Variants in STPG2 observed in about 807,000 individuals in gnomAD.
STPG2 encodes sperm tail PG-rich repeat containing 2.
In STPG2, 56 loss-of-function variants were observed where a neutral mutation model predicts 54.2. The ratio of observed to expected loss-of-function variants is 1.03; its 90% CI spans 0.83 to 1.29. The LOEUF (loss-of-function observed/expected upper bound fraction) is 1.29. Ranked by LOEUF, STPG2 falls within the 50% of genes most tolerant of loss-of-function variation. The pLI, the probability that STPG2 is intolerant of heterozygous loss-of-function variation, is 0.00. For missense variants in STPG2, 596 were observed against 544.9 expected, an observed-to-expected ratio of 1.09 and a Z score of -0.93; for synonymous variants, 200 against 181.8, an observed-to-expected ratio of 1.10 and a Z score of -0.81.
chr4:98,086,163 C>T (rs771398885), intron 5 of STPG2, among the ~76,000 whole-genome samples: 1 of 152,014 alleles, frequency 6.6e-6, no homozygotes, highest in Non-Finnish European at 1.5e-5. Context: ...AAGTAGTAAG[C>T]TTTATCACTA....
chr4:97,459,541 G>A (rs1423395083), intron 4 of STPG2, among the ~76,000 whole-genome samples: 3 of 149,486 alleles, frequency 2.0e-5, no homozygotes, highest in Admixed American at 6.8e-5. Flanking sequence ...CCGGGTTCAC[G>A]CCATTCTCCT....
chr4:97,513,438 G>A (rs569248409), intron 4 of STPG2, among the ~76,000 whole-genome samples: 49 of 152,114 alleles, frequency 3.2e-4, no homozygotes, highest in African/African-American at 1.1e-3. Flanking sequence ...AAATGGGACT[G>A]AAAGTCCCAA....
chr4:98,021,869 G>C (rs867367760), intron 5 of STPG2, among the ~76,000 whole-genome samples: 1 of 151,704 alleles, frequency 6.6e-6, no homozygotes, highest in Non-Finnish European at 1.5e-5. Flanking sequence ...CCATTTGCTT[G>C]GTAGATCTTC....
At chr4:97,933,820 T>C (rs1360410453) in intron 8 of STPG2, among the ~76,000 whole-genome samples, 1 of 152,208 alleles carries the variant, frequency 6.6e-6, no homozygotes, top group Non-Finnish European at 1.5e-5. Flanking sequence ...TTGCTCTTTT[T>C]GCTTAGAATT....
chr4:97,996,007 C>T (rs1578765787), intron 5 of STPG2, among the ~76,000 whole-genome samples: 1 of 152,294 alleles, frequency 6.6e-6, no homozygotes. Context: ...AATAGCCATA[C>T]TGCCCAAAGC....
rs567584125 is a variant in STPG2 at position 97,872,814 on chromosome 4, A to T, written c.1045-31882T>A. Among the ~76,000 whole-genome samples, 4 of 151,338 alleles carry T rather than the reference A, an allele frequency of 2.6e-5. No individual in the cohort carries two copies. The South Asian group carries it at 8.3e-4, about 31-fold the overall frequency. On this transcript the variant is annotated intron_variant, in intron 8 of 10. Coordinates refer to ENST00000295268, the MANE Select transcript of STPG2 (RefSeq NM_174952.3). ...ATTACTTAATTTTGATGCTCAAATTACCCCAGATATAGTCAGTTGGGGGCA... is the reference window on the plus strand; with the variant it reads ...ATTACTTAATTTTGATGCTCAAATTTCCCCAGATATAGTCAGTTGGGGGCA...
chr4:97,565,530 T>C (rs1732406223), intron 10 of STPG2, among the ~76,000 whole-genome samples: 1 of 152,172 alleles, frequency 6.6e-6, no homozygotes. Flanking sequence ...GAGTTTCCAG[T>C]TTTCCTGCTC....
At chr4:97,466,636 C>A (rs1175580158) in intron 4 of STPG2, among the ~76,000 whole-genome samples, 1 of 151,972 alleles carries the variant, frequency 6.6e-6, no homozygotes, top group Non-Finnish European at 1.5e-5. Flanking sequence ...ATGTCTATTA[C>A]ATTTTTCTTT....
chr4:97,631,608 A>C (rs2078362), intron 10 of STPG2, among the ~76,000 whole-genome samples: 20,107 of 152,042 alleles, frequency 0.13, 4,094 homozygotes, highest in African/African-American at 0.44. Context: ...TTCTAAAAGC[A>C]CTTGCCCTTA....
chr4:98,001,172 T>C lies in STPG2; in HGVS notation c.613-19854A>G, dbSNP rs1343998404. ...GAAGCTACACTCCCAAGTTCTGAAG[T>C]AAAGTAAATATGAGTAAATGTGGCC... On this transcript the variant is annotated intron_variant, in intron 5 of 10. Transcript: ENST00000295268. 4.9e-4 allele frequency among the ~76,000 whole-genome samples: 74 copies of C among 152,054 alleles called. 1 individual carries two copies. The highest frequency in any genetic ancestry group is 6.6e-5 in the Admixed American group (1 of 15,232).
chr4:97,466,524 A>G (rs1380524511), intron 4 of STPG2, among the ~76,000 whole-genome samples: 1 of 151,940 alleles, frequency 6.6e-6, no homozygotes, highest in Non-Finnish European at 1.5e-5. Flanking sequence ...ACTCATCAAC[A>G]TTTGTTAGTT....
At chr4:97,449,036 G>C (rs1032868645) in intron 4 of STPG2, among the ~76,000 whole-genome samples, 2 of 151,196 alleles carry the variant, frequency 1.3e-5, no homozygotes, top group African/African-American at 4.9e-5. Context: ...TGGATTCCTA[G>C]GGCTAACATA....
chr4:97,534,285 T>C (rs942669221), intron 4 of STPG2, among the ~76,000 whole-genome samples: 5 of 152,170 alleles, frequency 3.3e-5, no homozygotes, highest in Non-Finnish European at 7.4e-5. Context: ...TTCTGTGTTA[T>C]TGAATTACAG....
intron 9 of STPG2, among the ~76,000 whole-genome samples, chr4:97,827,792 A>C (rs1728308160): frequency 6.6e-6 from 1 of 152,144 alleles, no homozygotes; most frequent in Non-Finnish European, 1.5e-5. Flanking sequence ...TTGACTTATA[A>C]AGCCAATAAA....
intron 5 of STPG2, among the ~76,000 whole-genome samples, chr4:98,092,360 C>T (rs1738718617): frequency 2.6e-5 from 4 of 152,060 alleles, no homozygotes; most frequent in African/African-American, 7.2e-5. Flanking sequence ...GGGGGAAAAG[C>T]GTGTTTAATT....
At chr4:97,587,998 A>C (rs1171806853) in intron 10 of STPG2, among the ~76,000 whole-genome samples, 1 of 152,048 alleles carries the variant, frequency 6.6e-6, no homozygotes, top group Non-Finnish European at 1.5e-5. Flanking sequence ...GCTTTCTGAA[A>C]TTAGGCTGAA....
intron 5 of STPG2, among the ~76,000 whole-genome samples, chr4:98,029,735 G>A (rs547584529): frequency 2.6e-5 from 4 of 151,968 alleles, no homozygotes; most frequent in Non-Finnish European, 4.4e-5. Flanking sequence ...AGTTTGCAAC[G>A]AACACTTCAA....
chr4:97,862,738 C>G (rs932007633), intron 8 of STPG2, among the ~76,000 whole-genome samples: 1 of 152,140 alleles, frequency 6.6e-6, no homozygotes, highest in Non-Finnish European at 1.5e-5. Context: ...GAAATTATAA[C>G]AAACTGTCTC....
intron 9 of STPG2, among the ~76,000 whole-genome samples, chr4:97,752,625 A>G (rs1725612472): frequency 6.6e-6 from 1 of 151,806 alleles, no homozygotes; most frequent in Non-Finnish European, 1.5e-5. Context: ...TCAGCTTTAC[A>G]TCACTTTCCA....
Sources: gnomAD v4.1 joint callset for allele counts (sites outside exome capture counted in the v4.1 genomes callset) on GRCh38, gnomAD v4.1.1 for gene constraint, MANE v1.5 for transcripts, NCBI Gene and HGNC (gene_info 2026-07-23, HGNC 2026-07-21) for gene names.